Variants in HTR2C observed in about 807,000 individuals in gnomAD.
The protein encoded by HTR2C is 5-hydroxytryptamine receptor 2C.
In HTR2C, 5 loss-of-function variants were observed where a neutral mutation model predicts 21.0. That is an observed-to-expected ratio of 0.24 (90% CI 0.12 to 0.50). The LOEUF (loss-of-function observed/expected upper bound fraction) is 0.50. Ranked by LOEUF, HTR2C falls within the 20% of genes least tolerant of loss-of-function variation. The pLI is 0.98. For synonymous variants in HTR2C, 150 were observed against 145.3 expected (o/e 1.03, Z -0.23); for missense variants, 271 against 371.2 (o/e 0.73, Z 2.22).
chrX:114,788,669 A>G (rs782296552), intron 4 of HTR2C, among the ~76,000 whole-genome samples: 3 of 111,217 alleles, frequency 2.7e-5, no homozygotes, highest in African/African-American at 9.8e-5. Flanking sequence ...TTTTTTTCAG[A>G]CAGTATCTTG....
At chrX:114,650,785 A>G (rs191357279) in intron 2 of HTR2C, among the ~76,000 whole-genome samples, 299 of 112,146 alleles carry the variant, frequency 2.7e-3, no homozygotes, top group African/African-American at 9.0e-3. Context: ...TAAGAATAAT[A>G]AGTAATCAAA....
chrX:114,887,699 A>T (rs147506610), intron 5 of HTR2C, among the ~76,000 whole-genome samples: 89 of 110,592 alleles, frequency 8.0e-4, no homozygotes, highest in African/African-American at 2.7e-3. Flanking sequence ...CTATCCCATC[A>T]CTTTCCACCC....
intron 2 of HTR2C, among the ~76,000 whole-genome samples, chrX:114,648,406 G>A (rs1322615359): frequency 2.7e-5 from 3 of 111,310 alleles, no homozygotes; most frequent in Admixed American, 9.6e-5. Flanking sequence ...TACTACTACG[G>A]TCTTCTAGAA....
At chrX:114,768,760 A>C (rs2147387623) in intron 4 of HTR2C, among the ~76,000 whole-genome samples, 1 of 111,728 alleles carries the variant, frequency 9.0e-6, no homozygotes, top group African/African-American at 3.2e-5. Flanking sequence ...TAAAAGTTTC[A>C]TTTTCAGTGA....
intron 4 of HTR2C, among the ~76,000 whole-genome samples, chrX:114,767,204 GA>G (rs1419326027): frequency 1.8e-5 from 2 of 110,995 alleles, no homozygotes; most frequent in African/African-American, 6.5e-5. Context: ...ATAAGATCAT[GA>G]CAAATGTGGT....
intron 2 of HTR2C, among the ~76,000 whole-genome samples, chrX:114,665,804 G>A (rs1252145431): frequency 9.0e-6 from 1 of 110,938 alleles, no homozygotes; most frequent in Non-Finnish European, 1.9e-5. Context: ...AAACAGTGGA[G>A]GAAGTGGAAG....
intron 2 of HTR2C, among the ~76,000 whole-genome samples, chrX:114,659,429 G>A (rs1930905213): frequency 9.0e-6 from 1 of 111,640 alleles, no homozygotes; most frequent in African/African-American, 3.3e-5. Flanking sequence ...GCATTGAGAA[G>A]AACACAGCAT....
intron 4 of HTR2C, among the ~76,000 whole-genome samples, chrX:114,740,826 T>C (rs1471476899): frequency 8.9e-6 from 1 of 111,809 alleles, no homozygotes; most frequent in Non-Finnish European, 1.9e-5. Context: ...TTGCTTTTTA[T>C]TGGTGTTATG....
At chrX:114,696,139 G>A (rs782519291) in intron 2 of HTR2C, among the ~76,000 whole-genome samples, 112 of 111,013 alleles carry the variant, frequency 1.0e-3, no homozygotes, top group East Asian at 2.8e-3. Flanking sequence ...TATAGGCATC[G>A]GTACTTTTCT....
intron 4 of HTR2C, among the ~76,000 whole-genome samples, chrX:114,831,462 T>C (rs1365123145): frequency 2.1e-5 from 2 of 97,429 alleles, no homozygotes; most frequent in African/African-American, 7.4e-5. Context: ...TGATGAGCAT[T>C]TTTTCATGTG....
At chrX:114,605,750 A>C (rs1459338976) in intron 1 of HTR2C, among the ~76,000 whole-genome samples, 1 of 110,076 alleles carries the variant, frequency 9.1e-6, no homozygotes, top group African/African-American at 3.3e-5. Context: ...CCAAGGGAGT[A>C]GAAGGAGGAA....
At chrX:114,658,289 TG>T (rs1388429280) in intron 2 of HTR2C, among the ~76,000 whole-genome samples, 2 of 111,897 alleles carry the variant, frequency 1.8e-5, no homozygotes, top group African/African-American at 6.5e-5. Context: ...AGGATAGCAA[TG>T]ACAGTTTCTA....
At chrX:114,611,923 T>G (rs1928755624) in intron 1 of HTR2C, among the ~76,000 whole-genome samples, 1 of 111,215 alleles carries the variant, frequency 9.0e-6, no homozygotes, top group South Asian at 3.8e-4. Flanking sequence ...GGTCTCGATC[T>G]CCTGACCTCG....
intron 2 of HTR2C, among the ~76,000 whole-genome samples, chrX:114,617,125 G>T (rs1313757565): frequency 5.4e-5 from 6 of 111,879 alleles, no homozygotes; most frequent in African/African-American, 1.9e-4. Flanking sequence ...TTTACTCTAG[G>T]TTACCAAATT....
intron 4 of HTR2C, among the ~76,000 whole-genome samples, chrX:114,804,844 C>T (rs1287798584): frequency 9.0e-6 from 1 of 111,704 alleles, no homozygotes; most frequent in African/African-American, 3.3e-5. Flanking sequence ...GCAATACAAC[C>T]ACTTTCATTT....
chrX:114,869,029 C>T (rs782171656), intron 5 of HTR2C, among the ~76,000 whole-genome samples: 36 of 107,479 alleles, frequency 3.3e-4, no homozygotes, highest in Non-Finnish European at 6.1e-4. Flanking sequence ...GAGTGATGTT[C>T]CCCGCCCTCT....
intron 2 of HTR2C, among the ~76,000 whole-genome samples, chrX:114,650,220 A>G (rs1205003357): frequency 8.9e-6 from 1 of 111,762 alleles, no homozygotes; most frequent in Non-Finnish European, 1.9e-5. Flanking sequence ...CCCAAGTCCA[A>G]TTTGCAGATC....
intron 4 of HTR2C, among the ~76,000 whole-genome samples, chrX:114,818,805 C>T (rs2070607299): frequency 8.9e-6 from 1 of 112,015 alleles, no homozygotes; most frequent in African/African-American, 3.2e-5. Context: ...ATTGTATTGC[C>T]CACAAAGACT....
intron 4 of HTR2C, among the ~76,000 whole-genome samples, chrX:114,794,441 A>C (rs1442408170): frequency 1.9e-5 from 2 of 107,800 alleles, no homozygotes; most frequent in Non-Finnish European, 3.8e-5. Flanking sequence ...TTAGTTACAT[A>C]TGTATACATG....
Sources: allele counts gnomAD v4.1 joint callset (sites outside exome capture counted in the v4.1 genomes callset), GRCh38; gene constraint gnomAD v4.1.1; transcripts MANE v1.5; gene names NCBI Gene and HGNC (gene_info 2026-07-23, HGNC 2026-07-21).